The following CSMD1 variants were observed in gnomAD, a reference collection of about 807,000 sequenced individuals.
CSMD1 encodes the protein CUB and sushi domain-containing protein 1.
In CSMD1, 213 loss-of-function variants were observed where a neutral mutation model predicts 417.5. The ratio of observed to expected loss-of-function variants is 0.51; its 90% CI spans 0.46 to 0.57. CSMD1 has a LOEUF of 0.57. Ranked by LOEUF, CSMD1 falls within the 20% of genes least tolerant of loss-of-function variation. The pLI is 0.00. For synonymous variants in CSMD1, 2,862 were observed against 1,736.8 expected, an observed-to-expected ratio of 1.65 and a Z score of -16.11; for missense variants, 6,923 against 4,529.7, an observed-to-expected ratio of 1.53 and a Z score of -15.17.
At chr8:3,973,090 A>C (rs191806736) in intron 5 of CSMD1, among the ~76,000 whole-genome samples, 34 of 152,350 alleles carry the variant, frequency 2.2e-4, no homozygotes, top group African/African-American at 7.0e-4. Flanking sequence ...CAGAATACCT[A>C]ATTTTTGCAA....
chr8:4,788,032 G>A lies in CSMD1; in HGVS notation c.86-150474C>T, dbSNP rs553012425. Reference sequence around the variant, plus strand: ...GATCTCAAAGAAGTAACTCCTGAAGGGCTCCAAATGGTAAAGAAAAACTTT... The same window carrying A: ...GATCTCAAAGAAGTAACTCCTGAAGAGCTCCAAATGGTAAAGAAAAACTTT... On this transcript the variant is annotated intron_variant, in intron 1 of 69. Coordinates refer to ENST00000635120, the MANE Select transcript of CSMD1 (RefSeq NM_033225.6). 5.3e-5 allele frequency: 85 copies of A among 1,589,242 alleles called. 1 individual carries two copies. Among genetic ancestry groups the A allele is most frequent in the South Asian group, 3.4e-4 (30 of 88,704 alleles).
chr8:4,154,260 G>A (rs191878297), intron 3 of CSMD1, among the ~76,000 whole-genome samples: 79 of 147,896 alleles, frequency 5.3e-4, no homozygotes, highest in Non-Finnish European at 1.0e-3. Flanking sequence ...CTGGCAAACA[G>A]TAATGCTAAA....
chr8:3,866,026 G>T (rs190402232), intron 5 of CSMD1, among the ~76,000 whole-genome samples: 1 of 151,786 alleles, frequency 6.6e-6, no homozygotes, highest in African/African-American at 2.4e-5. Flanking sequence ...ATCGCCACCA[G>T]AAAACACAGT....
At chr8:4,533,985 G>T (rs1003811066) in intron 2 of CSMD1, among the ~76,000 whole-genome samples, 1 of 150,834 alleles carries the variant, frequency 6.6e-6, no homozygotes, top group African/African-American at 2.4e-5. Context: ...CAAGAGGGCA[G>T]ATTTGTCAGT....
At chr8:3,875,940 C>T (rs1291216776) in intron 5 of CSMD1, among the ~76,000 whole-genome samples, 4 of 152,172 alleles carry the variant, frequency 2.6e-5, no homozygotes, top group Non-Finnish European at 4.4e-5. Flanking sequence ...ATGGGAAGCT[C>T]GGAGGCAAAT....
At chr8:4,788,339 T>G (rs71523645) in intron 1 of CSMD1, 5 of 1,540,366 alleles carry the variant, frequency 3.2e-6, no homozygotes, top group Admixed American at 1.8e-5. Flanking sequence ...CTGGGAACAC[T>G]GCATATCCAG....
intron 1 of CSMD1, among the ~76,000 whole-genome samples, chr8:4,670,522 T>C (rs1327565034): frequency 6.6e-6 from 1 of 152,202 alleles, no homozygotes; most frequent in Non-Finnish European, 1.5e-5. Context: ...AAGTGCTAAC[T>C]GCAAGGGATA....
At chr8:3,668,154 G>C (rs1235802417) in intron 7 of CSMD1, among the ~76,000 whole-genome samples, 1 of 152,094 alleles carries the variant, frequency 6.6e-6, no homozygotes, top group Non-Finnish European at 1.5e-5. Context: ...GAATCTACAG[G>C]GGTGTGCAGA....
intron 1 of CSMD1, among the ~76,000 whole-genome samples, chr8:4,719,598 G>A (rs570184521): frequency 6.6e-6 from 1 of 150,668 alleles, no homozygotes; most frequent in Admixed American, 6.6e-5. Flanking sequence ...TAGAACTTTG[G>A]GATGGTAAGG....
intron 2 of CSMD1, among the ~76,000 whole-genome samples, chr8:4,480,485 T>C (rs1026536186): frequency 1.3e-5 from 2 of 152,184 alleles, no homozygotes; most frequent in Admixed American, 6.5e-5. Context: ...CCTCAGCTAG[T>C]TGTATTAGAC....
intron 5 of CSMD1, among the ~76,000 whole-genome samples, chr8:3,812,541 C>A (rs1381652446): frequency 6.6e-6 from 1 of 152,158 alleles, no homozygotes. Flanking sequence ...AAAAGCTAAG[C>A]TGAAATTCAA....
At chr8:4,761,959 C>CTATCTATT (rs1275987966) in intron 1 of CSMD1, among the ~76,000 whole-genome samples, 2 of 149,808 alleles carry the variant, frequency 1.3e-5, no homozygotes, top group Non-Finnish European at 3.0e-5. Flanking sequence ...ATCTATCTAT[C>CTATCTATT]TATCTAGATT....
chr8:3,153,422 G>A (rs1486646351), intron 39 of CSMD1, among the ~76,000 whole-genome samples: 2 of 152,046 alleles, frequency 1.3e-5, no homozygotes, highest in Non-Finnish European at 2.9e-5. Flanking sequence ...TTACTCTACG[G>A]ATTCGTCCTG....
At chr8:3,322,195 G>T (rs890893797) in intron 23 of CSMD1, among the ~76,000 whole-genome samples, 1 of 152,144 alleles carries the variant, frequency 6.6e-6, no homozygotes, top group Non-Finnish European at 1.5e-5. Context: ...TACATTTCAT[G>T]GCCAGGAACA....
intron 3 of CSMD1, among the ~76,000 whole-genome samples, chr8:4,169,203 C>T (rs75374201): frequency 0.015 from 2,235 of 152,208 alleles, 58 homozygotes; most frequent in East Asian, 0.061. Context: ...TGTACGTCAC[C>T]AACACATGTC....
intron 1 of CSMD1, among the ~76,000 whole-genome samples, chr8:4,952,584 T>C (rs1262340437): frequency 6.6e-6 from 1 of 152,114 alleles, no homozygotes; most frequent in Admixed American, 6.6e-5. Flanking sequence ...ATCCACACTA[T>C]GATTTTGTAT....
At chr8:4,672,950 G>C (rs997651475) in intron 1 of CSMD1, among the ~76,000 whole-genome samples, 2 of 151,526 alleles carry the variant, frequency 1.3e-5, no homozygotes, top group Non-Finnish European at 2.9e-5. Flanking sequence ...ATGGTGACAC[G>C]GCACACATAC....
intron 10 of CSMD1, among the ~76,000 whole-genome samples, chr8:3,499,985 G>T (rs1378139754): frequency 6.6e-6 from 1 of 152,022 alleles, no homozygotes; most frequent in Non-Finnish European, 1.5e-5. Flanking sequence ...CTTGGCTCAG[G>T]GCCTATGAGG....
chr8:3,360,950 C>T lies in CSMD1; in HGVS notation c.3116-1610G>A, dbSNP rs79417169. On this transcript the variant is annotated intron_variant, in intron 20 of 69. Transcript: ENST00000635120. ...ATAAAAACTTTTATGGAACTCTGTA[C>T]CTAAACACTTCCTTCATCTCACTTA... Among the ~76,000 whole-genome samples the T allele has an allele frequency of 2.5e-3, 375 of 151,972 alleles. 3 individuals are homozygous for T. Among genetic ancestry groups the T allele is most frequent in the African/African-American group, 8.7e-3 (362 of 41,444 alleles).
Sources: gnomAD v4.1 joint callset for allele counts (sites outside exome capture counted in the v4.1 genomes callset) on GRCh38, gnomAD v4.1.1 for gene constraint, MANE v1.5 for transcripts, NCBI Gene and HGNC (gene_info 2026-07-23, HGNC 2026-07-21) for gene names.